The following FILIP1L variants were observed in gnomAD, a reference collection of about 807,000 sequenced individuals.
The protein encoded by FILIP1L is filamin A interacting protein 1 like, also known as filamin A-interacting protein 1-like.
Under a neutral mutation model 96.6 loss-of-function variants are expected in FILIP1L, and 55 were observed. The ratio of observed to expected loss-of-function variants is 0.57; its 90% CI spans 0.46 to 0.71. The LOEUF is 0.71. Among genes scored for constraint, FILIP1L ranks in the 30% least tolerant of loss-of-function variants. FILIP1L has a pLI of 0.00. For synonymous variants in FILIP1L, 467 were observed against 473.9 expected, an observed-to-expected ratio of 0.99 and a Z score of 0.19; for missense variants, 1,304 against 1,321.2, an observed-to-expected ratio of 0.99 and a Z score of 0.20.
intron 5 of FILIP1L, among the ~76,000 whole-genome samples, chr3:99,839,067 C>A (rs961685458): frequency 1.3e-5 from 2 of 152,092 alleles, no homozygotes; most frequent in African/African-American, 4.8e-5. Context: ...CTTGTGGGCA[C>A]CTCTTTGGAG....
rs879331832 is a variant in FILIP1L, at chr3:99,985,909, TC to T, written c.-10-54880del. Among the ~76,000 whole-genome samples, 742 of 152,268 alleles carry T rather than the reference TC, an allele frequency of 4.9e-3. 18 individuals are homozygous for T. Among genetic ancestry groups the T allele is most frequent in the Admixed American group, 0.038 (585 of 15,286 alleles). Reference sequence around the variant, plus strand: ...GGGCCTGAGAAAAGCTTTTTAAAGTTCTGTTGGATATATTCATAAAACACAT... The same window carrying T: ...GGGCCTGAGAAAAGCTTTTTAAAGTTTGTTGGATATATTCATAAAACACAT... On this transcript the variant is annotated intron_variant, in intron 1 of 5. Transcript: ENST00000477258.
chr3:99,995,261 C>G (rs992665788), intron 1 of FILIP1L, among the ~76,000 whole-genome samples: 3 of 152,166 alleles, frequency 2.0e-5, no homozygotes, highest in African/African-American at 7.2e-5. Flanking sequence ...CCATGCAAGT[C>G]TGAAATTCAG....
At chr3:100,042,367 A>C (rs1050383538) in intron 1 of FILIP1L, among the ~76,000 whole-genome samples, 2 of 152,206 alleles carry the variant, frequency 1.3e-5, no homozygotes, top group Non-Finnish European at 2.9e-5. Context: ...TGACCAGCCA[A>C]TACCAGATAC....
intron 3 of FILIP1L, among the ~76,000 whole-genome samples, chr3:99,927,769 G>C (rs951997011): frequency 2.6e-5 from 4 of 152,000 alleles, no homozygotes; most frequent in African/African-American, 9.7e-5. Context: ...GGCTGGAAAG[G>C]AATAGGAGGT....
At position 99,829,651 on chromosome 3, in the gene FILIP1L, C is replaced by T. The variant is rs1209275260; in HGVS notation, c.*763G>A. The stretch of plus-strand genomic sequence containing the variant: ...AGCTTTTGTTGAATCAACTGATTTT[C>T]GATAGTGTTTATTCAGAGAAGAGAT... On this transcript the variant is annotated 3_prime_UTR_variant, in exon 6 of 6. Transcript: ENST00000477258. Among the ~76,000 whole-genome samples the T allele has an allele frequency of 6.6e-6, 1 of 152,058 alleles. No individual in the cohort carries two copies. Among genetic ancestry groups the T allele is most frequent in the South Asian group, 2.1e-4 (1 of 4,822 alleles).
intron 1 of FILIP1L, among the ~76,000 whole-genome samples, chr3:100,109,236 A>G (rs1431648468): frequency 1.3e-5 from 2 of 152,102 alleles, no homozygotes; most frequent in African/African-American, 4.8e-5. Flanking sequence ...AAATTTTTCA[A>G]TGAAAATCTG....
rs760359050 is a variant in FILIP1L at position 99,848,655 on chromosome 3, C to T, written c.3021G>A (p.Val1007=). 6.2e-7 allele frequency: 1 copy of T among 1,614,134 alleles called. No individual in the cohort carries two copies. The highest frequency in any genetic ancestry group is 1.1e-5 in the South Asian group (1 of 91,080). Reference sequence around the variant, plus strand: ...GCTCAGGAGAGCTAGCTGAACCAGTCACAGCCAAAACCTGAATAGGGGACA... The same window carrying T: ...GCTCAGGAGAGCTAGCTGAACCAGTTACAGCCAAAACCTGAATAGGGGACA... ...RTMSPIQVLA[V]TGSASSPEQG... The change falls in exon 5 of 6, where the codon GTG becomes GTA. Residue 1007 remains valine, a synonymous_variant. Transcript: ENST00000477258.
intron 1 of FILIP1L, among the ~76,000 whole-genome samples, chr3:100,056,602 C>G (rs896275750): frequency 1.1e-4 from 17 of 151,970 alleles, no homozygotes; most frequent in Admixed American, 6.6e-5. Flanking sequence ...TTGTCATAAT[C>G]TAATTAACAC....
At chr3:99,834,499 C>G (rs1321706722) in intron 5 of FILIP1L, among the ~76,000 whole-genome samples, 1 of 152,288 alleles carries the variant, frequency 6.6e-6, no homozygotes, top group Non-Finnish European at 1.5e-5. Flanking sequence ...CAAAATCGCT[C>G]CAAACCCAGT....
chr3:100,047,567 T>C (rs893477161), intron 1 of FILIP1L, among the ~76,000 whole-genome samples: 1 of 152,206 alleles, frequency 6.6e-6, no homozygotes, highest in African/African-American at 2.4e-5. Context: ...AAAACACTGG[T>C]ATTACCACAT....
At chr3:99,962,079 C>T (rs1381979656) in intron 1 of FILIP1L, among the ~76,000 whole-genome samples, 1 of 152,136 alleles carries the variant, frequency 6.6e-6, no homozygotes, top group Non-Finnish European at 1.5e-5. Flanking sequence ...CTGAAGAGTA[C>T]TATGAGTTAC....
intron 1 of FILIP1L, among the ~76,000 whole-genome samples, chr3:99,952,636 A>G (rs1708210060): frequency 6.6e-6 from 1 of 152,184 alleles, no homozygotes; most frequent in South Asian, 2.1e-4. Context: ...AAACACATAC[A>G]CACAGAGAGA....
chr3:99,859,653 A>G (rs1173162434), intron 4 of FILIP1L, among the ~76,000 whole-genome samples: 2 of 152,224 alleles, frequency 1.3e-5, no homozygotes, highest in African/African-American at 2.4e-5. Context: ...TGTCTAATAC[A>G]TAATTTTAAC....
rs146844769 is a variant in FILIP1L, at chr3:100,103,809, A to T, written c.-11+10244T>A. ...ATAACAAATTGTTGCATTAAGATAA[A>T]TCTGTCTGTGTTATCCTAAAGAAAA... On this transcript the variant is annotated intron_variant, in intron 1 of 5. Transcript: ENST00000477258. Among the ~76,000 whole-genome samples, 695 of 152,258 alleles carry T rather than the reference A, an allele frequency of 4.6e-3. 7 individuals are homozygous for T. Among genetic ancestry groups the T allele is most frequent in the African/African-American group, 0.016 (680 of 41,558 alleles).
chr3:99,917,753 C>T (rs1015816193), intron 4 of FILIP1L, among the ~76,000 whole-genome samples: 2 of 152,008 alleles, frequency 1.3e-5, no homozygotes, highest in Non-Finnish European at 2.9e-5. Flanking sequence ...TAGGGTATAC[C>T]GAAATCTAGA....
At chr3:100,005,223 T>C (rs1010317934) in intron 1 of FILIP1L, among the ~76,000 whole-genome samples, 1 of 152,154 alleles carries the variant, frequency 6.6e-6, no homozygotes, top group Non-Finnish European at 1.5e-5. Flanking sequence ...AAATGAAAGG[T>C]TGTTGGTGAT....
intron 1 of FILIP1L, among the ~76,000 whole-genome samples, chr3:100,014,203 T>C (rs964296480): frequency 8.6e-5 from 13 of 151,030 alleles, no homozygotes; most frequent in Non-Finnish European, 1.6e-4. Flanking sequence ...TGTATATATA[T>C]ATTATATATA....
intron 1 of FILIP1L, among the ~76,000 whole-genome samples, chr3:100,106,243 G>C (rs2066393576): frequency 6.6e-6 from 1 of 152,116 alleles, no homozygotes; most frequent in Non-Finnish European, 1.5e-5. Context: ...AGAGGTGCAA[G>C]CTTCCAGCTG....
chr3:100,080,498 T>G (rs2107402189), intron 1 of FILIP1L, among the ~76,000 whole-genome samples: 1 of 152,214 alleles, frequency 6.6e-6, no homozygotes, highest in South Asian at 2.1e-4. Context: ...GGGCCCAGGA[T>G]CTGAATTTAG....
Sources: allele counts gnomAD v4.1 joint callset (sites outside exome capture counted in the v4.1 genomes callset), GRCh38; gene constraint gnomAD v4.1.1; transcripts MANE v1.5; gene names NCBI Gene and HGNC (gene_info 2026-07-23, HGNC 2026-07-21).